COL4A3: variants seen among roughly 807,000 people sequenced by gnomAD.
COL4A3 encodes collagen alpha-3(IV) chain.
COL4A3 carries 135 observed loss-of-function variants against 217.4 expected under a neutral mutation model. The observed-to-expected ratio is 0.62, with a 90% CI of 0.54 to 0.72. The LOEUF is 0.72. Ranked by LOEUF, COL4A3 falls within the 30% of genes least tolerant of loss-of-function variation. The pLI, the probability that COL4A3 is intolerant of heterozygous loss-of-function variation, is 0.00. For missense variants in COL4A3, 1,868 were observed against 2,119.9 expected (o/e 0.88, Z 2.33); for synonymous variants, 690 against 736.3 (o/e 0.94, Z 1.02).
At chr2:227,183,426 G>T (rs1261594797) in intron 1 of COL4A3, among the ~76,000 whole-genome samples, 2 of 152,202 alleles carry the variant, frequency 1.3e-5, no homozygotes, top group Non-Finnish European at 2.9e-5. Context: ...GAGCAGTGCA[G>T]ACCAGAACCA....
chr2:227,176,839 A>G (rs1417102180), intron 1 of COL4A3, among the ~76,000 whole-genome samples: 1 of 152,194 alleles, frequency 6.6e-6, no homozygotes, highest in East Asian at 1.9e-4. Flanking sequence ...ACAAGGCCAG[A>G]TATTTATTTT....
chr2:227,193,352 A>C (rs886578587), intron 1 of COL4A3, among the ~76,000 whole-genome samples: 2 of 152,244 alleles, frequency 1.3e-5, no homozygotes, highest in Non-Finnish European at 2.9e-5. Context: ...AATAACTCTT[A>C]GTTTAAGGAA....
intron 1 of COL4A3, among the ~76,000 whole-genome samples, chr2:227,168,309 C>T (rs2065349025): frequency 6.6e-6 from 1 of 152,182 alleles, no homozygotes; most frequent in Admixed American, 6.5e-5. Context: ...TACCAGAGTG[C>T]CTGTTTCCCT....
intron 1 of COL4A3, among the ~76,000 whole-genome samples, chr2:227,198,486 T>C (rs1167566170): frequency 6.7e-6 from 1 of 149,752 alleles, no homozygotes; most frequent in Non-Finnish European, 1.5e-5. Context: ...TTGTTATAAA[T>C]ACCTTATGTT....
In COL4A3 at chr2:227,180,247, C is replaced by T. The variant is rs545551239; in HGVS notation, c.87+15434C>T. On this transcript the variant is annotated intron_variant, in intron 1 of 51. Coordinates refer to ENST00000396578, the MANE Select transcript of COL4A3 (RefSeq NM_000091.5). ...CAATAAAAACTGAGAACAGGGCAGCCTCTGAAATCTTATGAGATGAGGTTC... is the reference window on the plus strand; with the variant it reads ...CAATAAAAACTGAGAACAGGGCAGCTTCTGAAATCTTATGAGATGAGGTTC... 1.7e-3 allele frequency among the ~76,000 whole-genome samples: 253 copies of T among 152,322 alleles called. 1 individual carries two copies. Among genetic ancestry groups the T allele is most frequent in the Non-Finnish European group, 2.1e-3 (144 of 68,024 alleles).
intron 5 of COL4A3, 131 bp downstream of exon 5, chr2:227,245,126 G>A: frequency 1.2e-6 from 1 of 833,438 alleles, no homozygotes; most frequent in Non-Finnish European, 2.0e-6. Context: ...ACCTTAGGAT[G>A]GTATATTATA....
At chr2:227,172,220 C>T (rs2065502562) in intron 1 of COL4A3, among the ~76,000 whole-genome samples, 2 of 152,174 alleles carry the variant, frequency 1.3e-5, no homozygotes, top group Non-Finnish European at 2.9e-5. Context: ...ACTGCCTTTC[C>T]CTGGCACTGG....
At chr2:227,297,106 G>C (rs2073061316) in intron 41 of COL4A3, among the ~76,000 whole-genome samples, 1 of 152,202 alleles carries the variant, frequency 6.6e-6, no homozygotes, top group East Asian at 1.9e-4. Flanking sequence ...CTATTATGGG[G>C]AATGTGTGGG....
intron 27 of COL4A3, among the ~76,000 whole-genome samples, chr2:227,277,084 C>T (rs2071612493): frequency 6.6e-6 from 1 of 152,044 alleles, no homozygotes; most frequent in Non-Finnish European, 1.5e-5. Flanking sequence ...CTTTGGGAGG[C>T]CGACGCAGGC....
intron 1 of COL4A3, among the ~76,000 whole-genome samples, chr2:227,218,080 C>CTATATATA (rs10606625): frequency 2.5e-3 from 301 of 118,348 alleles, no homozygotes; most frequent in South Asian, 5.8e-3. Flanking sequence ...ATATATATAG[C>CTATATATA]TATATATATA....
Position 227,282,327 on chromosome 2 carries a change from T to A in COL4A3, c.2489-38T>A. The stretch of plus-strand genomic sequence containing the variant: ...TTCTGAAGTTAGTAGGGGAAAGCAT[T>A]TGTGGGTTAATTAATTCATTCATTT... On this transcript the variant is annotated intron_variant, in intron 31 of 51. Transcript: ENST00000396578. The surrounding 1 kb of genome is among the most constrained non-coding windows in gnomAD (Gnocchi z 4.4). 6.6e-7 allele frequency: 1 copy of A among 1,512,994 alleles called. No homozygotes were observed. The highest frequency in any genetic ancestry group is 9.1e-7 in the Non-Finnish European group (1 of 1,095,798). The allele number at this position is 1,512,994 out of a possible 1,614,324, so 93.7% of individuals were successfully genotyped here. A position where few individuals can be genotyped will look rare whatever the true frequency, so the allele number is the denominator to read the frequency against.
At chr2:227,246,283 A>G in intron 6 of COL4A3, 1 of 537,418 alleles carries the variant, frequency 1.9e-6, no homozygotes, top group Non-Finnish European at 3.3e-6. Flanking sequence ...TATAAATCAG[A>G]AACCAAAGCT....
At chr2:227,273,167 G>A (rs1309988484) in intron 26 of COL4A3, 50 bp downstream of exon 26, 1 of 1,598,110 alleles carries the variant, frequency 6.3e-7, no homozygotes, top group Non-Finnish European at 8.6e-7. Flanking sequence ...TGGGTTGATG[G>A]TTTCTAGAGC....
At chr2:227,211,674 T>C (rs2067327190) in intron 1 of COL4A3, among the ~76,000 whole-genome samples, 1 of 150,698 alleles carries the variant, frequency 6.6e-6, no homozygotes. Flanking sequence ...TATTTATTTA[T>C]TGAGACAGAG....
chr2:227,206,370 G>GC (rs970088888), intron 1 of COL4A3, among the ~76,000 whole-genome samples: 22 of 152,196 alleles, frequency 1.4e-4, no homozygotes, highest in African/African-American at 5.1e-4. Context: ...ACTGTGCCCC[G>GC]CCCCCTCAGG....
At chr2:227,301,337 T>C (rs545627358) in intron 43 of COL4A3, among the ~76,000 whole-genome samples, 1 of 152,290 alleles carries the variant, frequency 6.6e-6, no homozygotes, top group East Asian at 1.9e-4. Context: ...CATATGTAAA[T>C]ACAGAACATC....
chr2:227,259,740 A>C, intron 18 of COL4A3, 53 bp from the exon 19 acceptor site: 1 of 1,268,670 alleles, frequency 7.9e-7, no homozygotes, highest in Non-Finnish European at 1.2e-6. Flanking sequence ...ATGTTTGGTG[A>C]GCTGTCCATA....
At chr2:227,291,747 T>C (rs2106218597) in intron 37 of COL4A3, among the ~76,000 whole-genome samples, 1 of 152,362 alleles carries the variant, frequency 6.6e-6, no homozygotes, top group South Asian at 2.1e-4. Context: ...AAATGCTTAA[T>C]CTTGTTTCAA....
chr2:227,267,476 T>C (rs993398858), intron 23 of COL4A3, among the ~76,000 whole-genome samples: 2 of 152,264 alleles, frequency 1.3e-5, no homozygotes, highest in African/African-American at 4.8e-5. Context: ...CATTTTTTCA[T>C]GTTCCTACTT....
Sources: allele counts gnomAD v4.1 joint callset (sites outside exome capture counted in the v4.1 genomes callset), GRCh38; gene constraint gnomAD v4.1.1; non-coding constraint Gnocchi (gnomAD v3.1); transcripts MANE v1.5; gene names NCBI Gene and HGNC (gene_info 2026-07-23, HGNC 2026-07-21).